Variants in HECW1 observed in about 807,000 individuals in gnomAD.
HECW1 encodes the protein HECT, C2 and WW domain containing E3 ubiquitin protein ligase 1.
A neutral mutation model predicts 182.3 loss-of-function variants in HECW1; 61 were observed. The ratio of observed to expected loss-of-function variants is 0.33; its 90% CI spans 0.27 to 0.41. The LOEUF (loss-of-function observed/expected upper bound fraction) is 0.41, where lower values mean the gene tolerates loss of function less well. Ranked by LOEUF, HECW1 falls within the 10% of genes least tolerant of loss-of-function variation. The pLI is 1.00. For synonymous variants in HECW1, 859 were observed against 832.6 expected, an observed-to-expected ratio of 1.03 and a Z score of -0.55; for missense variants, 1,739 against 2,108.9, an observed-to-expected ratio of 0.82 and a Z score of 3.44.
At chr7:43,149,932 G>A (rs1789118481) in intron 2 of HECW1, among the ~76,000 whole-genome samples, 1 of 151,952 alleles carries the variant, frequency 6.6e-6, no homozygotes, top group Non-Finnish European at 1.5e-5. Flanking sequence ...TACTGTAGTG[G>A]TCATAGATAT....
At chr7:43,392,174 G>A (rs2075055220) in intron 6 of HECW1, among the ~76,000 whole-genome samples, 1 of 152,172 alleles carries the variant, frequency 6.6e-6, no homozygotes, top group South Asian at 2.1e-4. Context: ...ATAAGACTCA[G>A]TGACATAATG....
chr7:43,170,936 A>G (rs1791621621), intron 2 of HECW1, among the ~76,000 whole-genome samples: 1 of 152,194 alleles, frequency 6.6e-6, no homozygotes, highest in Non-Finnish European at 1.5e-5. Context: ...GCAAAAGGTT[A>G]GGCAGCCAGG....
intron 2 of HECW1, among the ~76,000 whole-genome samples, chr7:43,227,936 A>T (rs1340368620): frequency 6.6e-6 from 1 of 152,222 alleles, no homozygotes; most frequent in Admixed American, 6.5e-5. Flanking sequence ...CATGCACCCA[A>T]ATAAATTACA....
At chr7:43,216,710 A>G (rs1796477198) in intron 2 of HECW1, among the ~76,000 whole-genome samples, 1 of 151,702 alleles carries the variant, frequency 6.6e-6, no homozygotes, top group Non-Finnish European at 1.5e-5. Flanking sequence ...GCTGGAGTAC[A>G]GTGACGTGAA....
intron 3 of HECW1, 100 bp from the exon 4 acceptor site, chr7:43,311,663 A>G (rs1808526977): frequency 9.3e-7 from 1 of 1,071,564 alleles, no homozygotes; most frequent in African/African-American, 1.5e-5. Context: ...CAGCTCACTC[A>G]CAGCGCGTGT....
At chr7:43,359,329 G>T (rs576559367) in intron 5 of HECW1, among the ~76,000 whole-genome samples, 8 of 152,276 alleles carry the variant, frequency 5.3e-5, no homozygotes, top group Non-Finnish European at 1.2e-4. Flanking sequence ...ATAAAACTGA[G>T]ATTCTGTTAT....
In HECW1 at chr7:43,478,583, C is replaced by T. The variant is rs112802791; in HGVS notation, c.3100-1027C>T. On this transcript the variant is annotated intron_variant, in intron 16 of 29. Coordinates refer to ENST00000395891, the MANE Select transcript of HECW1 (RefSeq NM_015052.5). ...GAATATTTAATAATTTAGGGAAATA[C>T]TTATAAAATAACAAGTGAAAAACCT... 2.6e-3 allele frequency among the ~76,000 whole-genome samples: 390 copies of T among 151,974 alleles called. 3 individuals carry two copies. Among genetic ancestry groups the T allele is most frequent in the African/African-American group, 8.9e-3 (367 of 41,432 alleles).
At chr7:43,178,624 C>T (rs537490752) in intron 2 of HECW1, among the ~76,000 whole-genome samples, 7 of 152,316 alleles carry the variant, frequency 4.6e-5, no homozygotes, top group Admixed American at 4.6e-4. Context: ...AGCGCTGCCT[C>T]CTCACACTCG....
chr7:43,257,617 A>G (rs924454948), intron 3 of HECW1, among the ~76,000 whole-genome samples: 10 of 152,098 alleles, frequency 6.6e-5, no homozygotes, highest in Non-Finnish European at 1.2e-4. Context: ...TGGGGGATTT[A>G]TTTTATTTGT....
chr7:43,357,005 A>G (rs879517198), intron 5 of HECW1, among the ~76,000 whole-genome samples: 2 of 152,188 alleles, frequency 1.3e-5, no homozygotes, highest in South Asian at 2.1e-4. Flanking sequence ...CAACATCAGT[A>G]ATCATCAGGG....
Position 43,360,893 on chromosome 7 carries a change from T to C in HECW1, c.468T>C (p.Thr156=). 6.2e-7 allele frequency: 1 copy of C among 1,613,874 alleles called. No individual in the cohort carries two copies. The highest frequency in any genetic ancestry group is 8.5e-7 in the Non-Finnish European group (1 of 1,179,758). ...DASSYFVEPE[T]KICFKYYHGV... Reference sequence around the variant, plus strand: ...TTTTTGTTTGTCTTTCAGCTGAAACTAAGATCTGCTTCAAATACTACCATG... The same window carrying C: ...TTTTTGTTTGTCTTTCAGCTGAAACCAAGATCTGCTTCAAATACTACCATG... The change falls in exon 6 of 30, where the codon ACT becomes ACC. Residue 156 remains threonine (T), a synonymous_variant. Transcript: ENST00000395891.
chr7:43,487,593 C>T (rs2078694661), intron 17 of HECW1, among the ~76,000 whole-genome samples: 1 of 152,106 alleles, frequency 6.6e-6, no homozygotes, highest in Non-Finnish European at 1.5e-5. Context: ...GGGTCAAATG[C>T]CAGGAAATTA....
At chr7:43,268,421 C>G (rs1317823900) in intron 3 of HECW1, among the ~76,000 whole-genome samples, 1 of 152,230 alleles carries the variant, frequency 6.6e-6, no homozygotes, top group African/African-American at 2.4e-5. Flanking sequence ...CCCAGAGGCT[C>G]TCACCTGGGG....
chr7:43,293,962 T>A (rs1429735605), intron 3 of HECW1, among the ~76,000 whole-genome samples: 1 of 152,160 alleles, frequency 6.6e-6, no homozygotes, highest in Non-Finnish European at 1.5e-5. Flanking sequence ...GGGATCTAGG[T>A]TGCATGCTCC....
chr7:43,310,085 A>G (rs1457581903), intron 3 of HECW1, among the ~76,000 whole-genome samples: 2 of 152,230 alleles, frequency 1.3e-5, no homozygotes, highest in Non-Finnish European at 2.9e-5. Context: ...GGTCTAATTC[A>G]TAATTATTTT....
chr7:43,396,281 C>G (rs184541532), intron 6 of HECW1, among the ~76,000 whole-genome samples: 2 of 152,022 alleles, frequency 1.3e-5, no homozygotes, highest in African/African-American at 4.8e-5. Context: ...CTGAAATTTC[C>G]GAGGAAGGCA....
intron 2 of HECW1, among the ~76,000 whole-genome samples, chr7:43,237,137 G>T (rs1798432233): frequency 7.8e-6 from 1 of 128,280 alleles, no homozygotes; most frequent in East Asian, 2.3e-4. Context: ...AAGGAAGGAA[G>T]GAAGTAGGTA....
At chr7:43,380,239 A>G (rs937029954) in intron 6 of HECW1, among the ~76,000 whole-genome samples, 2 of 152,056 alleles carry the variant, frequency 1.3e-5, no homozygotes, top group Admixed American at 1.3e-4. Context: ...AAATTTTTAA[A>G]TTTTTGTAGA....
intron 2 of HECW1, among the ~76,000 whole-genome samples, chr7:43,129,468 A>G (rs1474089356): frequency 6.6e-6 from 1 of 152,142 alleles, no homozygotes; most frequent in Non-Finnish European, 1.5e-5. Flanking sequence ...TTGCACTGCT[A>G]ATAGACTACA....
Sources: gnomAD v4.1 joint callset for allele counts (sites outside exome capture counted in the v4.1 genomes callset) on GRCh38, gnomAD v4.1.1 for gene constraint, MANE v1.5 for transcripts, NCBI Gene and HGNC (gene_info 2026-07-23, HGNC 2026-07-21) for gene names.